Variants in PAX2 observed in about 807,000 individuals in gnomAD.
The protein encoded by PAX2 is paired box protein Pax-2.
In PAX2, 9 loss-of-function variants were observed where a neutral mutation model predicts 41.7. That is an observed-to-expected ratio of 0.22 (90% CI 0.13 to 0.38). PAX2 has a LOEUF of 0.38. Among genes scored for constraint, PAX2 ranks in the 10% least tolerant of loss-of-function variants. The pLI is 1.00. For missense variants in PAX2, 418 were observed against 531.6 expected (o/e 0.79, Z 2.10); for synonymous variants, 221 against 212.7 (o/e 1.04, Z -0.34).
chr10:100,777,092 C>G (rs1846414258), intron 3 of PAX2, among the ~76,000 whole-genome samples: 1 of 147,274 alleles, frequency 6.8e-6, no homozygotes, highest in Non-Finnish European at 1.5e-5. Flanking sequence ...CTAATTGGTA[C>G]TGTGATTTTT....
In PAX2 at chr10:100,779,403, G is replaced by A. The variant is rs1479951955; in HGVS notation, c.411-95G>A. On this transcript the variant is annotated intron_variant, in intron 3 of 9. Coordinates refer to ENST00000355243, the MANE Select transcript of PAX2 (RefSeq NM_000278.5). ...GCAGATGGATGAGGAAATCGCTGAG[G>A]AACTTGGGAGAGAGCCCCTTTGCAG... The A allele has an allele frequency of 4.9e-5, 50 of 1,029,012 alleles. 1 individual carries two copies. In the East Asian group the frequency reaches 1.2e-3, roughly 25 times the overall value. 63.7% of individuals were successfully genotyped at this position (1,029,012 alleles called of 1,614,324 possible). A position where few individuals can be genotyped will look rare whatever the true frequency, so the allele number is the denominator to read the frequency against.
chr10:100,808,845 G>A (rs758554573), intron 6 of PAX2, among the ~76,000 whole-genome samples: 3 of 152,168 alleles, frequency 2.0e-5, no homozygotes, highest in Admixed American at 6.5e-5. Flanking sequence ...TGCTTAGGCA[G>A]GAGATGCTAC....
intron 3 of PAX2, among the ~76,000 whole-genome samples, chr10:100,756,750 C>T (rs1192449514): frequency 1.3e-5 from 2 of 152,166 alleles, no homozygotes; most frequent in Non-Finnish European, 2.9e-5. Context: ...AAAGAATGCT[C>T]ATCCGACCTG....
chr10:100,823,412 G>C (rs990019090), intron 7 of PAX2, among the ~76,000 whole-genome samples: 2 of 152,198 alleles, frequency 1.3e-5, no homozygotes, highest in Non-Finnish European at 2.9e-5. Context: ...GCTCTGGAAT[G>C]CAGGGAGGTG....
At chr10:100,801,840 G>A (rs931415592) in intron 5 of PAX2, among the ~76,000 whole-genome samples, 5 of 152,360 alleles carry the variant, frequency 3.3e-5, no homozygotes, top group Middle Eastern at 6.8e-3. Context: ...TCTGTACTCC[G>A]ACAGACCTGG....
At chr10:100,792,856 C>T (rs551471723) in intron 5 of PAX2, among the ~76,000 whole-genome samples, 9 of 152,352 alleles carry the variant, frequency 5.9e-5, no homozygotes, top group Non-Finnish European at 1.5e-5. Flanking sequence ...AGTGTCAGCT[C>T]TCGCTGTTGT....
intron 3 of PAX2, among the ~76,000 whole-genome samples, chr10:100,774,573 T>A (rs1210537555): frequency 2.0e-5 from 3 of 152,178 alleles, no homozygotes; most frequent in Non-Finnish European, 4.4e-5. Flanking sequence ...GGAGGTCTCC[T>A]GCCTGCATCG....
rs548691376 is a variant in PAX2 at position 100,809,120 on chromosome 10, A to T, written c.803A>T (p.Tyr268Phe). 1.9e-6 allele frequency: 3 copies of T among 1,613,086 alleles called. No individual in the cohort carries two copies. Among genetic ancestry groups the T allele is most frequent in the Non-Finnish European group, 2.5e-6 (3 of 1,179,446 alleles). Residue 268 changes from tyrosine (Y) to phenylalanine (F), a missense_variant, in exon 7 of 10, where the codon TAC (tyrosine) becomes TTC (phenylalanine). Around this residue, in one of 2 missense-constraint regions of PAX2, gnomAD observed 310 missense variants for 325.2 expected, o/e 0.95. Transcript: ENST00000355243. ...TCTCTCTCCTCCCAGGGGAACGAGT[A>T]CTCCCTCCCAGCCCTGACCCCTGGG... ...EHIKSEQGNE[Y>F]SLPALTPGLD...
intron 5 of PAX2, among the ~76,000 whole-genome samples, chr10:100,787,721 G>T (rs1846926232): frequency 6.6e-6 from 1 of 152,046 alleles, no homozygotes; most frequent in Non-Finnish European, 1.5e-5. Flanking sequence ...CAATTCCAAA[G>T]GCACCCCCTC....
At chr10:100,745,261 G>A (rs1164618373), upstream of PAX2, among the ~76,000 whole-genome samples, 1 of 152,160 alleles carries the variant, frequency 6.6e-6, no homozygotes, top group Admixed American at 6.5e-5. Context: ...GGCGAGTTTC[G>A]TTTCTCAGTG....
intron 7 of PAX2, among the ~76,000 whole-genome samples, chr10:100,820,854 T>G (rs77410148): frequency 0.011 from 1,697 of 152,370 alleles, 38 homozygotes; most frequent in African/African-American, 0.039. Context: ...GCCATTGTCA[T>G]TGAGCAACAA....
Position 100,826,258 on chromosome 10 carries a change from A to G in PAX2, c.1022-751A>G, listed in dbSNP as rs1480328075. On this transcript the variant is annotated intron_variant, in intron 8 of 9. Coordinates refer to ENST00000355243, the MANE Select transcript of PAX2 (RefSeq NM_000278.5). This position sits in a 1 kb window ranked among gnomAD's most constrained non-coding sequence, Gnocchi z 5.5. ...AGAGGGGCCCCTTCTCCTCTACTTA[A>G]CCCGCGGTTAGGGATCACTGTAAAC... Among the ~76,000 whole-genome samples the G allele has an allele frequency of 6.7e-6, 1 of 149,900 alleles. No homozygotes were observed. Among genetic ancestry groups the G allele is most frequent in the Non-Finnish European group, 1.5e-5 (1 of 67,438 alleles).
At chr10:100,735,741 C>A (rs926258897) in intron 1 of PAX2, 2 of 1,039,994 alleles carry the variant, frequency 1.9e-6, no homozygotes, top group East Asian at 5.6e-5. Context: ...CAGGTAAGAG[C>A]GGCAGAGACC....
intron 5 of PAX2, among the ~76,000 whole-genome samples, chr10:100,793,597 G>A (rs1416658657): frequency 6.6e-6 from 1 of 152,204 alleles, no homozygotes; most frequent in Non-Finnish European, 1.5e-5. Context: ...TAAATGTGCT[G>A]GTACAATTCC....
intron 7 of PAX2, among the ~76,000 whole-genome samples, chr10:100,810,325 C>T (rs559598785): frequency 6.6e-6 from 1 of 152,336 alleles, no homozygotes; most frequent in East Asian, 1.9e-4. Context: ...CCAGCCTCCA[C>T]CTGGGGGCTT....
At chr10:100,741,187 G>A (rs1224461813), upstream of PAX2, among the ~76,000 whole-genome samples, 2 of 152,166 alleles carry the variant, frequency 1.3e-5, no homozygotes, top group Non-Finnish European at 2.9e-5. Flanking sequence ...CCGAGCGGGC[G>A]GGGCCAGCTG....
At chr10:100,782,694 C>T (rs1334053843) in intron 5 of PAX2, among the ~76,000 whole-genome samples, 1 of 152,290 alleles carries the variant, frequency 6.6e-6, no homozygotes, top group African/African-American at 2.4e-5. Flanking sequence ...TCTCCTTCTT[C>T]CAAAATATCC....
At chr10:100,776,603 C>T (rs995017148) in intron 3 of PAX2, among the ~76,000 whole-genome samples, 2 of 152,212 alleles carry the variant, frequency 1.3e-5, no homozygotes, top group Non-Finnish European at 2.9e-5. Context: ...TCCCCGGTCC[C>T]TGACAGTCTC....
In PAX2 at chr10:100,828,385, C is replaced by G. The variant is rs577109795; in HGVS notation, c.*766C>G. On this transcript the variant is annotated 3_prime_UTR_variant, in exon 10 of 10. Transcript: ENST00000355243. The surrounding 1 kb of genome is among the most constrained non-coding windows in gnomAD (Gnocchi z 6.5). ...ACTGCTCCTCCTGGCCTGCCTAGTT[C>G]CCCAGGGCCCGGCACCTCCTGCTGC... The G allele has an allele frequency of 7.5e-4, 176 of 233,634 alleles. No individual in the cohort carries two copies. Among genetic ancestry groups the G allele is most frequent in the Admixed American group, 1.6e-3 (28 of 17,800 alleles). The allele number at this position is 233,634 out of a possible 1,614,324, so 14.5% of individuals were successfully genotyped here.
Sources: gnomAD v4.1 joint callset for allele counts (sites outside exome capture counted in the v4.1 genomes callset) on GRCh38, gnomAD v4.1.1 for gene constraint, gnomAD v4.1.1 regional missense constraint, Gnocchi (gnomAD v3.1) non-coding constraint, MANE v1.5 for transcripts, NCBI Gene and HGNC (gene_info 2026-07-23, HGNC 2026-07-21) for gene names.